The following SRGAP2C variants were observed in gnomAD, a reference collection of about 807,000 sequenced individuals.
SRGAP2C encodes SLIT-ROBO Rho GTPase activating protein 2C, also known as SLIT-ROBO Rho GTPase-activating protein 2C.
In SRGAP2C, 15 loss-of-function variants were observed where a neutral mutation model predicts 25.1. The observed-to-expected ratio is 0.60, with a 90% CI of 0.40 to 0.92. The LOEUF is 0.92. Among genes scored for constraint, SRGAP2C ranks in the 40% least tolerant of loss-of-function variants. The pLI is 0.00. For missense variants in SRGAP2C, 144 were observed against 264.4 expected (o/e 0.54, Z 3.16); for synonymous variants, 44 against 96.6 (o/e 0.46, Z 3.19).
chr1:121,199,759 C>A (rs1387940932), intron 2 of SRGAP2C, among the ~76,000 whole-genome samples: 5 of 144,746 alleles, frequency 3.5e-5, no homozygotes, highest in Non-Finnish European at 7.5e-5. Flanking sequence ...CACACCATTG[C>A]ACTCCAGCCT....
intron 4 of SRGAP2C, among the ~76,000 whole-genome samples, chr1:121,348,533 C>T (rs1300931039): frequency 2.0e-5 from 3 of 151,848 alleles, no homozygotes; most frequent in Non-Finnish European, 2.9e-5. Flanking sequence ...GGAATCACAA[C>T]CTTTTCTGCA....
At chr1:121,348,407 C>T (rs1323661939) in intron 4 of SRGAP2C, among the ~76,000 whole-genome samples, 2 of 148,484 alleles carry the variant, frequency 1.3e-5, no homozygotes, top group African/African-American at 5.0e-5. Context: ...TGCCAACAAT[C>T]CCAATGTAGC....
chr1:121,282,340 CCTTGTCCT>C (rs1657264258), intron 2 of SRGAP2C, among the ~76,000 whole-genome samples: 2 of 143,194 alleles, frequency 1.4e-5, no homozygotes, highest in South Asian at 4.7e-4. Context: ...TGGGACTTTG[CCTTGTCCT>C]CTCTTTTTTT....
At chr1:121,289,244 T>A (rs1379798069) in intron 3 of SRGAP2C, among the ~76,000 whole-genome samples, 1 of 150,024 alleles carries the variant, frequency 6.7e-6, no homozygotes, top group African/African-American at 2.5e-5. Flanking sequence ...TCCTGAGCCC[T>A]GCCCCGCGGG....
At position 121,297,332 on chromosome 1, in the gene SRGAP2C, GAA is replaced by G. The variant is rs1224453804; in HGVS notation, c.260+12338_260+12339del. ...TGATCCAGTCTTTGGAAGAGAGAAA[GAA>G]TTCAGTTAAAAGTTCTTTGGGAAGC... On this transcript the variant is annotated intron_variant, in intron 3 of 9. Coordinates refer to ENST00000367123, the MANE Select transcript of SRGAP2C (RefSeq NM_001329984.2). 5.1e-5 allele frequency among the ~76,000 whole-genome samples: 7 copies of G among 137,640 alleles called. No homozygotes were observed. In the East Asian group the frequency reaches 1.6e-3, roughly 31 times the overall value. 90.3% of individuals were successfully genotyped at this position (137,640 alleles called of 152,430 possible).
rs587713309 is a variant in SRGAP2C at position 121,190,131 on chromosome 1, G to A, written c.67+2618G>A. On this transcript the variant is annotated intron_variant, in intron 2 of 9. Transcript: ENST00000367123. ...ACAGCACAGAATTTGGAGACAAAGG[G>A]CCTGCGATCTGGTTTGGCTCTGCCT... Among the ~76,000 whole-genome samples, 1,190 of 152,260 alleles carry A rather than the reference G, an allele frequency of 7.8e-3. 13 individuals carry two copies. Among genetic ancestry groups the A allele is most frequent in the African/African-American group, 0.027 (1,111 of 41,536 alleles).
chr1:121,322,918 G>A (rs1221684824), intron 3 of SRGAP2C, among the ~76,000 whole-genome samples: 54 of 152,298 alleles, frequency 3.5e-4, no homozygotes, highest in Middle Eastern at 3.4e-3. Context: ...TGACTGGAGC[G>A]GGGAAGAGAG....
At chr1:121,259,850 T>C (rs1656578174) in intron 2 of SRGAP2C, among the ~76,000 whole-genome samples, 1 of 138,088 alleles carries the variant, frequency 7.2e-6, no homozygotes, top group Non-Finnish European at 1.5e-5. Context: ...CTACTTTTTT[T>C]TTTTTTTTTT....
rs200891136 is a variant in SRGAP2C, at chr1:121,211,416, TACAC to T, written c.67+23945_67+23948del. Among the ~76,000 whole-genome samples the T allele has an allele frequency of 6.2e-3, 806 of 130,056 alleles. 2 individuals carry two copies. Among genetic ancestry groups the T allele is most frequent in the Middle Eastern group, 0.029 (7 of 244 alleles). 85.3% of individuals were successfully genotyped at this position (130,056 alleles called of 152,430 possible). ...TGAGAGAGAGATATATATATACACATACACACACACACACACACACACACACACA... is the reference window on the plus strand; with the variant it reads ...TGAGAGAGAGATATATATATACACATACACACACACACACACACACACACA... On this transcript the variant is annotated intron_variant, in intron 2 of 9. Transcript: ENST00000367123.
At chr1:121,377,263 C>CTTTT (rs57457251) in intron 7 of SRGAP2C, among the ~76,000 whole-genome samples, 14 of 50,428 alleles carry the variant, frequency 2.8e-4, no homozygotes, top group Non-Finnish European at 4.1e-4. Flanking sequence ...TCTCATGTTT[C>CTTTT]TTTTTTTTTT....
chr1:121,382,445 AAAT>A (rs1184768591), intron 7 of SRGAP2C, among the ~76,000 whole-genome samples: 4 of 151,808 alleles, frequency 2.6e-5, no homozygotes, highest in African/African-American at 9.7e-5. Flanking sequence ...GCGCTTAATT[AAAT>A]AATGTCATTT....
intron 5 of SRGAP2C, among the ~76,000 whole-genome samples, chr1:121,371,012 G>A (rs1236169383): frequency 1.6e-4 from 25 of 151,952 alleles, no homozygotes; most frequent in African/African-American, 5.8e-4. Context: ...GTCAGAGGGA[G>A]CAGAGCTAAA....
chr1:121,345,600 A>T (rs1216613261), intron 4 of SRGAP2C, among the ~76,000 whole-genome samples: 1 of 151,186 alleles, frequency 6.6e-6, no homozygotes, highest in Non-Finnish European at 1.5e-5. Context: ...GGAAAATATC[A>T]CATTTTTTAT....
chr1:121,351,694 T>C (rs1311522912), intron 4 of SRGAP2C, among the ~76,000 whole-genome samples: 1 of 149,920 alleles, frequency 6.7e-6, no homozygotes, highest in South Asian at 2.1e-4. Context: ...AAGTGATTTA[T>C]GGAACAAACT....
chr1:121,268,419 A>G lies in SRGAP2C; in HGVS notation c.68-16384A>G, dbSNP rs587633482. Among the ~76,000 whole-genome samples the G allele has an allele frequency of 2.6e-4, 39 of 152,018 alleles. No individual in the cohort carries two copies. The South Asian group carries it at 7.1e-3, about 28-fold the overall frequency. ...GGGCCATGTAAGGTTTTGGAAAGCC[A>G]TTACCTTTTCTCCACTGGGAAGCCA... is the stretch of plus-strand genomic sequence containing the variant. On this transcript the variant is annotated intron_variant, in intron 2 of 9. Transcript: ENST00000367123.
intron 2 of SRGAP2C, among the ~76,000 whole-genome samples, chr1:121,271,511 A>T (rs587612132): frequency 6.6e-6 from 1 of 152,040 alleles, no homozygotes; most frequent in African/African-American, 2.4e-5. Flanking sequence ...CTGATTTAAT[A>T]ATAGCCCATG....
chr1:121,314,423 G>C (rs1377332219), intron 3 of SRGAP2C, among the ~76,000 whole-genome samples: 2 of 152,078 alleles, frequency 1.3e-5, no homozygotes, highest in Non-Finnish European at 2.9e-5. Context: ...TCTTCTCTCA[G>C]CTCGTCAAAA....
At chr1:121,364,215 C>CA (rs1553349112) in intron 4 of SRGAP2C, among the ~76,000 whole-genome samples, 1 of 147,344 alleles carries the variant, frequency 6.8e-6, no homozygotes, top group Non-Finnish European at 1.5e-5. Flanking sequence ...CTCAATGACC[C>CA]ATGCTGCCAA....
intron 2 of SRGAP2C, among the ~76,000 whole-genome samples, chr1:121,235,188 C>T (rs1445450532): frequency 5.8e-5 from 8 of 138,776 alleles, no homozygotes; most frequent in African/African-American, 2.0e-4. Context: ...CCACCAGGCC[C>T]GGCTAATTTT....
Sources: gnomAD v4.1 joint callset for allele counts (sites outside exome capture counted in the v4.1 genomes callset) on GRCh38, gnomAD v4.1.1 for gene constraint, MANE v1.5 for transcripts, NCBI Gene and HGNC (gene_info 2026-07-23, HGNC 2026-07-21) for gene names.